UBE3C: variants seen among roughly 807,000 people sequenced by gnomAD.
UBE3C encodes the protein ubiquitin-protein ligase E3C.
A neutral mutation model predicts 129.4 loss-of-function variants in UBE3C; 42 were observed. The ratio of observed to expected loss-of-function variants is 0.32; its 90% CI spans 0.25 to 0.42. The LOEUF (loss-of-function observed/expected upper bound fraction) is 0.42, where lower values mean the gene tolerates loss of function less well. Ranked by LOEUF, UBE3C falls within the 10% of genes least tolerant of loss-of-function variation. The pLI, the probability that UBE3C is intolerant of heterozygous loss-of-function variation, is 1.00. For missense variants in UBE3C, 1,049 were observed against 1,319.1 expected (o/e 0.80, Z 3.17); for synonymous variants, 510 against 492.4 (o/e 1.04, Z -0.47).
At chr7:157,261,792 A>G (rs1284887837) in intron 22 of UBE3C, among the ~76,000 whole-genome samples, 2 of 152,252 alleles carry the variant, frequency 1.3e-5, no homozygotes, top group African/African-American at 4.8e-5. Context: ...GTTACAGACA[A>G]AAAATCATTA....
At chr7:157,166,732 CAAA>C (rs35054342) in intron 2 of UBE3C, among the ~76,000 whole-genome samples, 12 of 113,614 alleles carry the variant, frequency 1.1e-4, no homozygotes, top group African/African-American at 2.3e-4. Flanking sequence ...AACTCCGTCT[CAAA>C]AAAAAAAAAA....
chr7:157,163,053 T>A (rs1449688028), intron 1 of UBE3C, among the ~76,000 whole-genome samples: 2 of 152,166 alleles, frequency 1.3e-5, no homozygotes, highest in Admixed American at 6.5e-5. Flanking sequence ...GAAATTTTTA[T>A]TGAGATAATT....
chr7:157,168,226 C>A (rs1425191578), intron 2 of UBE3C, among the ~76,000 whole-genome samples: 1 of 151,398 alleles, frequency 6.6e-6, no homozygotes, highest in Non-Finnish European at 1.5e-5. Context: ...TGGCGGGTAC[C>A]TGTAGTCCCA....
At chr7:157,253,077 T>C (rs1353481579) in intron 19 of UBE3C, among the ~76,000 whole-genome samples, 1 of 152,218 alleles carries the variant, frequency 6.6e-6, no homozygotes, top group East Asian at 1.9e-4. Context: ...AATTTTTTTA[T>C]TTAAAATACA....
Position 157,188,807 on chromosome 7 carries a change from T to TG in UBE3C, c.1331+1786_1331+1787insG, listed in dbSNP as rs200881738. 2,357 of 414,582 alleles carry TG rather than the reference T, an allele frequency of 5.7e-3. 40 individuals are homozygous for TG. Among genetic ancestry groups the TG allele is most frequent in the South Asian group, 0.044 (429 of 9,824 alleles). The allele number at this position is 414,582 out of a possible 1,614,324, so 25.7% of individuals were successfully genotyped here. A position where few individuals can be genotyped will look rare whatever the true frequency, so the allele number is the denominator to read the frequency against. On this transcript the variant is annotated intron_variant, in intron 10 of 22. Coordinates refer to ENST00000348165, the MANE Select transcript of UBE3C (RefSeq NM_014671.3). Reference sequence around the variant, plus strand: ...GATTTTAACTGCTTTCAATTTTGATTTTTTTAAAAAAGTATTTGAAAGATG... The same window carrying TG: ...GATTTTAACTGCTTTCAATTTTGATTGTTTTTAAAAAAGTATTTGAAAGATG...
intron 5 of UBE3C, among the ~76,000 whole-genome samples, chr7:157,176,138 C>T (rs1808512027): frequency 6.6e-6 from 1 of 152,094 alleles, no homozygotes; most frequent in East Asian, 1.9e-4. Flanking sequence ...TTATTCTTTT[C>T]CCAACTTTTA....
At chr7:157,144,831 T>C (rs1003474045) in intron 1 of UBE3C, among the ~76,000 whole-genome samples, 1 of 152,216 alleles carries the variant, frequency 6.6e-6, no homozygotes, top group Non-Finnish European at 1.5e-5. Context: ...TCAGTTACAA[T>C]TGATAAACCA....
chr7:157,150,911 T>C (rs1807739602), intron 1 of UBE3C, among the ~76,000 whole-genome samples: 1 of 152,250 alleles, frequency 6.6e-6, no homozygotes, highest in Non-Finnish European at 1.5e-5. Flanking sequence ...ACTTCTGCGC[T>C]GGCCTGTTCA....
intron 1 of UBE3C, among the ~76,000 whole-genome samples, chr7:157,143,398 A>C (rs566691004): frequency 6.6e-6 from 1 of 152,322 alleles, no homozygotes; most frequent in Admixed American, 6.5e-5. Context: ...GTCTGACAGA[A>C]TAGAAAGGTC....
intron 18 of UBE3C, among the ~76,000 whole-genome samples, chr7:157,244,213 G>T (rs568393018): frequency 6.6e-6 from 1 of 152,222 alleles, no homozygotes; most frequent in East Asian, 1.9e-4. Context: ...CAGCCTGGGC[G>T]ATAGAGTGAA....
intron 18 of UBE3C, among the ~76,000 whole-genome samples, chr7:157,238,111 A>C (rs1796199709): frequency 6.6e-6 from 1 of 152,248 alleles, no homozygotes; most frequent in African/African-American, 2.4e-5. Flanking sequence ...AATTTAATTT[A>C]GATTTAGATT....
intron 4 of UBE3C, among the ~76,000 whole-genome samples, chr7:157,173,914 A>C (rs1218068376): frequency 6.6e-6 from 1 of 152,246 alleles, no homozygotes; most frequent in Non-Finnish European, 1.5e-5. Flanking sequence ...TCCCAGTTTA[A>C]GACATGCGCT....
At chr7:157,156,324 T>G (rs1807903155) in intron 1 of UBE3C, among the ~76,000 whole-genome samples, 2 of 135,910 alleles carry the variant, frequency 1.5e-5, no homozygotes, top group Admixed American at 7.3e-5. Context: ...TTTTTTTTTT[T>G]GAGACAGAGT....
Position 157,160,694 on chromosome 7 carries a change from T to G in UBE3C, c.67-3116T>G, listed in dbSNP as rs533330998. Among the ~76,000 whole-genome samples the G allele has an allele frequency of 1.1e-4, 17 of 152,308 alleles. No homozygotes were observed. In the South Asian group the frequency reaches 3.3e-3, roughly 30 times the overall value. On this transcript the variant is annotated intron_variant, in intron 1 of 22. Coordinates refer to ENST00000348165, the MANE Select transcript of UBE3C (RefSeq NM_014671.3). ...GTTAATTGATCTATATCTTGAGAGATACTTTGAGACTAGGCAAATCCTGTT... is the reference window on the plus strand; with the variant it reads ...GTTAATTGATCTATATCTTGAGAGAGACTTTGAGACTAGGCAAATCCTGTT...
chr7:157,240,117 C>T (rs1205361897), intron 18 of UBE3C, among the ~76,000 whole-genome samples: 2 of 152,056 alleles, frequency 1.3e-5, no homozygotes, highest in African/African-American at 4.8e-5. Flanking sequence ...GAGTCTTGCT[C>T]TTGGCATGGC....
At chr7:157,176,927 TA>T (rs1808533583) in intron 5 of UBE3C, among the ~76,000 whole-genome samples, 1 of 152,226 alleles carries the variant, frequency 6.6e-6, no homozygotes, top group African/African-American at 2.4e-5. Flanking sequence ...TCGACAGTCT[TA>T]TCTGCCACGT....
chr7:157,151,755 A>G (rs542412972), intron 1 of UBE3C, among the ~76,000 whole-genome samples: 15 of 152,240 alleles, frequency 9.9e-5, no homozygotes, highest in East Asian at 5.8e-4. Context: ...GGGCTATGCA[A>G]TTGGACCAAG....
Position 157,248,520 on chromosome 7 carries a change from C to T in UBE3C, c.2634C>T (p.Asp878=), listed in dbSNP as rs1796538085. 3 of 1,612,914 alleles carry T rather than the reference C, an allele frequency of 1.9e-6. No homozygotes were observed. The highest frequency in any genetic ancestry group is 1.3e-5 in the African/African-American group (1 of 74,842). Residue 878 remains aspartate, a synonymous_variant, in exon 19 of 23, where the codon GAC becomes GAT. Coordinates refer to ENST00000348165, the MANE Select transcript of UBE3C (RefSeq NM_014671.3). ...TGCTCTTTCTGAAGAGCTACGAAGA[C>T]GATGTGGAGGAGCTTGGGCTGAACT... ...KNLLFLKSYE[D]DVEELGLNFT...
At chr7:157,204,747 C>T (rs1809385797) in intron 11 of UBE3C, among the ~76,000 whole-genome samples, 1 of 152,214 alleles carries the variant, frequency 6.6e-6, no homozygotes, top group South Asian at 2.1e-4. Flanking sequence ...CCCTTGACTA[C>T]AACATAACAT....
Sources: gnomAD v4.1 joint callset for allele counts (sites outside exome capture counted in the v4.1 genomes callset) on GRCh38, gnomAD v4.1.1 for gene constraint, MANE v1.5 for transcripts, NCBI Gene and HGNC (gene_info 2026-07-23, HGNC 2026-07-21) for gene names.